Variants in COG5 observed in about 807,000 individuals in gnomAD.
COG5 encodes conserved oligomeric Golgi complex subunit 5.
COG5 carries 86 observed loss-of-function variants against 110.4 expected under a neutral mutation model. The ratio of observed to expected loss-of-function variants is 0.78; its 90% CI spans 0.65 to 0.93. The LOEUF is 0.93. Among genes scored for constraint, COG5 ranks in the 40% least tolerant of loss-of-function variants. The pLI, the probability that COG5 is intolerant of heterozygous loss-of-function variation, is 0.00. For missense variants in COG5, 1,077 were observed against 987.0 expected, an observed-to-expected ratio of 1.09 and a Z score of -1.22; for synonymous variants, 360 against 334.6, an observed-to-expected ratio of 1.08 and a Z score of -0.83.
At chr7:107,427,989 C>A (rs1028408232) in intron 6 of COG5, among the ~76,000 whole-genome samples, 3 of 151,934 alleles carry the variant, frequency 2.0e-5, no homozygotes, top group Non-Finnish European at 4.4e-5. Context: ...ATGGGAAGTG[C>A]GTGCTGACTG....
In COG5 at chr7:107,211,245, G is replaced by A. The variant is rs761634894; in HGVS notation, c.2169-20C>T. The A allele has an allele frequency of 1.4e-5, 22 of 1,612,658 alleles. No homozygotes were observed. Among genetic ancestry groups the A allele is most frequent in the Admixed American group, 5.0e-5 (3 of 60,002 alleles). ...AGAGGTCTAGACGGGAAAAACAGAA[G>A]TTATTTCACACTGTTCAATACTGAA... On this transcript the variant is annotated intron_variant, in intron 19 of 21. Coordinates refer to ENST00000297135, the MANE Select transcript of COG5 (RefSeq NM_006348.5).
intron 5 of COG5, among the ~76,000 whole-genome samples, chr7:107,534,496 A>G (rs1199949866): frequency 3.3e-5 from 5 of 151,394 alleles, no homozygotes; most frequent in Non-Finnish European, 7.4e-5. Flanking sequence ...GAAAGCAAAA[A>G]AAAAAAAAGT....
At chr7:107,541,012 G>GT (rs902433968) in intron 5 of COG5, among the ~76,000 whole-genome samples, 1 of 151,976 alleles carries the variant, frequency 6.6e-6, no homozygotes, top group African/African-American at 2.4e-5. Flanking sequence ...TTAGCCAGGT[G>GT]TTGTGGCACA....
chr7:107,430,388 A>G (rs1793940932), intron 6 of COG5, among the ~76,000 whole-genome samples: 1 of 152,248 alleles, frequency 6.6e-6, no homozygotes, highest in African/African-American at 2.4e-5. Flanking sequence ...TTAAAAATTA[A>G]TTAACTATAA....
At position 107,234,815 on chromosome 7, in the gene COG5, C is replaced by T. The variant is rs1352335075; in HGVS notation, c.2091+1635G>A. On this transcript the variant is annotated intron_variant, in intron 18 of 21. Coordinates refer to ENST00000297135, the MANE Select transcript of COG5 (RefSeq NM_006348.5). ...AAACAAATAAGAGGAGGTTCTAGTA[C>T]ATCATCAGGTTTTTAATAAGCAATC... Among the ~76,000 whole-genome samples the T allele has an allele frequency of 2.6e-5, 4 of 151,796 alleles. No individual in the cohort carries two copies. The East Asian group carries it at 5.8e-4, about 22-fold the overall frequency.
At chr7:107,505,124 C>G (rs1201207960) in intron 6 of COG5, among the ~76,000 whole-genome samples, 1 of 152,202 alleles carries the variant, frequency 6.6e-6, no homozygotes, top group East Asian at 1.9e-4. Flanking sequence ...TCTCATTCCC[C>G]TGTGATGTGC....
chr7:107,421,878 A>C (rs1283184509), intron 6 of COG5, among the ~76,000 whole-genome samples: 1 of 152,210 alleles, frequency 6.6e-6, no homozygotes, highest in African/African-American at 2.4e-5. Context: ...AGGATCTCTG[A>C]GAAATTTCTC....
At chr7:107,424,605 A>ACT (rs1793520819) in intron 6 of COG5, among the ~76,000 whole-genome samples, 2 of 151,820 alleles carry the variant, frequency 1.3e-5, no homozygotes, top group African/African-American at 4.8e-5. Context: ...TTCCCTCTTC[A>ACT]CTATGCTTAC....
rs1016812068 is a variant in COG5, at chr7:107,485,768, C to T, written c.538+41469G>A. The stretch of plus-strand genomic sequence containing the variant: ...TCATAAAACATTGGGGTTGTACTTG[C>T]TTACAGAAGCAGAGGAGATAAGATA... On this transcript the variant is annotated intron_variant, in intron 6 of 21. Coordinates refer to ENST00000297135, the MANE Select transcript of COG5 (RefSeq NM_006348.5). Among the ~76,000 whole-genome samples, 3 of 152,210 alleles carry T rather than the reference C, an allele frequency of 2.0e-5. No homozygotes were observed. The East Asian group carries it at 5.8e-4, about 29-fold the overall frequency.
chr7:107,370,268 C>T (rs1447892917), intron 8 of COG5, among the ~76,000 whole-genome samples: 1 of 151,924 alleles, frequency 6.6e-6, no homozygotes, highest in East Asian at 1.9e-4. Flanking sequence ...CTGACAGAAT[C>T]CTATTATTTT....
chr7:107,365,414 T>C (rs2129047444), intron 8 of COG5, among the ~76,000 whole-genome samples: 1 of 151,748 alleles, frequency 6.6e-6, no homozygotes, highest in African/African-American at 2.4e-5. Context: ...TGCATGCCAG[T>C]TGCTGTAGAT....
At chr7:107,338,171 A>C (rs1232442285) in intron 10 of COG5, among the ~76,000 whole-genome samples, 1 of 152,222 alleles carries the variant, frequency 6.6e-6, no homozygotes, top group Non-Finnish European at 1.5e-5. Context: ...ATTCACATGA[A>C]GTCTCAAGGA....
chr7:107,426,688 A>G (rs142112547), intron 6 of COG5, among the ~76,000 whole-genome samples: 8 of 152,286 alleles, frequency 5.3e-5, no homozygotes, highest in African/African-American at 1.7e-4. Context: ...TTAGGAGGTA[A>G]GAATTTCAAA....
intron 6 of COG5, among the ~76,000 whole-genome samples, chr7:107,441,255 C>CA (rs551026030): frequency 0.55 from 39,441 of 71,106 alleles, 10,544 homozygotes; most frequent in East Asian, 0.66. Context: ...GACTCCGTCT[C>CA]AAAAAAAAAA....
At position 107,295,036 on chromosome 7, in the gene COG5, T is replaced by C. The variant is rs1376532038; in HGVS notation, c.1313+3106A>G. 3.4e-3 allele frequency among the ~76,000 whole-genome samples: 206 copies of C among 60,536 alleles called. 2 individuals are homozygous for C. The highest frequency in any genetic ancestry group is 0.011 in the South Asian group (23 of 2,134). The allele number at this position is 60,536 out of a possible 152,430, so 39.7% of individuals were successfully genotyped here. A position where few individuals can be genotyped will look rare whatever the true frequency, so the allele number is the denominator to read the frequency against. ...ACACACATATATATATACACACACA[T>C]ATACACACACACACACACACACACA... On this transcript the variant is annotated intron_variant, in intron 12 of 21. Transcript: ENST00000297135.
chr7:107,245,397 C>T (rs1052180150), intron 17 of COG5, among the ~76,000 whole-genome samples: 2 of 152,126 alleles, frequency 1.3e-5, no homozygotes, highest in Non-Finnish European at 2.9e-5. Flanking sequence ...TAAAGAGCAT[C>T]TAAATAGGAA....
At chr7:107,217,986 A>G (rs531249536) in intron 19 of COG5, among the ~76,000 whole-genome samples, 76 of 152,196 alleles carry the variant, frequency 5.0e-4, no homozygotes, top group Non-Finnish European at 1.0e-3. Context: ...CCACCAAAAG[A>G]CAGAACTAAT....
chr7:107,474,043 A>C lies in COG5; in HGVS notation c.538+53194T>G. 1 of 1,415,216 alleles carries C rather than the reference A, an allele frequency of 7.1e-7. No homozygotes were observed. The highest frequency in any genetic ancestry group is 9.7e-7 in the Non-Finnish European group (1 of 1,035,288). The allele number at this position is 1,415,216 out of a possible 1,614,324, so 87.7% of individuals were successfully genotyped here. ...TCTATTTCACTTTCTAGGGAAAAAA[A>C]CCAACTGCTCCAAAAGAATGTGTTT... On this transcript the variant is annotated intron_variant, in intron 6 of 21. Transcript: ENST00000297135. This position sits in a 1 kb window ranked among gnomAD's most constrained non-coding sequence, Gnocchi z 5.7.
At chr7:107,476,481 T>C (rs929206613) in intron 6 of COG5, among the ~76,000 whole-genome samples, 5 of 151,616 alleles carry the variant, frequency 3.3e-5, no homozygotes, top group African/African-American at 1.2e-4. Flanking sequence ...CAATAAGTCT[T>C]GTCACTTTTC....
Sources: allele counts gnomAD v4.1 joint callset (sites outside exome capture counted in the v4.1 genomes callset), GRCh38; gene constraint gnomAD v4.1.1; non-coding constraint Gnocchi (gnomAD v3.1); transcripts MANE v1.5; gene names NCBI Gene and HGNC (gene_info 2026-07-23, HGNC 2026-07-21).